CRTC1: variants seen among roughly 807,000 people sequenced by gnomAD.
CRTC1 encodes CREB regulated transcription coactivator 1, also known as CREB-regulated transcription coactivator 1.
In CRTC1, 18 loss-of-function variants were observed where a neutral mutation model predicts 66.1. The ratio of observed to expected loss-of-function variants is 0.27; its 90% CI spans 0.19 to 0.40. The LOEUF (loss-of-function observed/expected upper bound fraction) is 0.40. Ranked by LOEUF, CRTC1 falls within the 10% of genes least tolerant of loss-of-function variation. The pLI, the probability that CRTC1 is intolerant of heterozygous loss-of-function variation, is 1.00. For missense variants in CRTC1, 669 were observed against 887.9 expected, an observed-to-expected ratio of 0.75 and a Z score of 3.13; for synonymous variants, 416 against 398.8, an observed-to-expected ratio of 1.04 and a Z score of -0.51.
intron 1 of CRTC1, among the ~76,000 whole-genome samples, chr19:18,710,106 G>A (rs1308067950): frequency 6.6e-6 from 1 of 151,988 alleles, no homozygotes; most frequent in African/African-American, 2.4e-5. Flanking sequence ...TGCTCACGGG[G>A]CCTCCTGCCT....
At chr19:18,732,465 G>A (rs750674467) in intron 1 of CRTC1, among the ~76,000 whole-genome samples, 17 of 152,238 alleles carry the variant, frequency 1.1e-4, no homozygotes, top group South Asian at 8.3e-4. Context: ...CAGAAGGAAG[G>A]CATTCTGTCC....
chr19:18,717,315 C>G lies in CRTC1; in HGVS notation c.127-25595C>G, dbSNP rs1329037979. On this transcript the variant is annotated intron_variant, in intron 1 of 13. Coordinates refer to ENST00000321949, the MANE Select transcript of CRTC1 (RefSeq NM_015321.3). The stretch of plus-strand genomic sequence containing the variant: ...CCAGGGTCTTCAGGCTGTGTGGGAG[C>G]CAGGACTGGGTCTGTCTCCTTGTGG... Among the ~76,000 whole-genome samples the G allele has an allele frequency of 2.0e-5, 3 of 152,016 alleles. No individual in the cohort carries two copies. The East Asian group carries it at 5.8e-4, about 29-fold the overall frequency.
intron 10 of CRTC1, among the ~76,000 whole-genome samples, chr19:18,769,459 AC>A: frequency 1.3e-5 from 2 of 152,222 alleles, no homozygotes; most frequent in East Asian, 3.9e-4. Flanking sequence ...CTCCCACTTG[AC>A]CCCGACTGCC....
In CRTC1 at chr19:18,768,468, GCT is replaced by G; in HGVS notation, c.1012-13_1012-12del. 6.2e-7 allele frequency: 1 copy of G among 1,605,058 alleles called. No homozygotes were observed. Among genetic ancestry groups the G allele is most frequent in the South Asian group, 1.1e-5 (1 of 90,750 alleles). On this transcript the variant is annotated splice_polypyrimidine_tract_variant and intron_variant, in intron 9 of 13. Coordinates refer to ENST00000321949, the MANE Select transcript of CRTC1 (RefSeq NM_015321.3). This position sits in a 1 kb window ranked among gnomAD's most constrained non-coding sequence, Gnocchi z 5.6. ...ACAACCAGGGCCCGCCCTGCCTGACGCTCTCCTCTCCTGCAGGCTGTAGCCAT... is the reference window on the plus strand; with the variant it reads ...ACAACCAGGGCCCGCCCTGCCTGACGCTCCTCTCCTGCAGGCTGTAGCCAT...
Position 18,777,460 on chromosome 19 carries a change from C to G in CRTC1, c.*78C>G, listed in dbSNP as rs753466130. 9.2e-6 allele frequency: 12 copies of G among 1,298,416 alleles called. No individual in the cohort carries two copies. Among genetic ancestry groups the G allele is most frequent in the Non-Finnish European group, 1.3e-5 (12 of 909,018 alleles). The allele number at this position is 1,298,416 out of a possible 1,614,324, so 80.4% of individuals were successfully genotyped here. A position where few individuals can be genotyped will look rare whatever the true frequency, so the allele number is the denominator to read the frequency against. ...CCGGGGACGGCCGTGCTCCGTCCCT[C>G]GCCAACGGCCGAGCTTGTGATTCTG... On this transcript the variant is annotated 3_prime_UTR_variant, in exon 14 of 14. Coordinates refer to ENST00000321949, the MANE Select transcript of CRTC1 (RefSeq NM_015321.3). The surrounding 1 kb of genome is among the most constrained non-coding windows in gnomAD (Gnocchi z 5.5).
intron 1 of CRTC1, among the ~76,000 whole-genome samples, chr19:18,707,179 T>C (rs1250692644): frequency 6.6e-6 from 1 of 152,212 alleles, no homozygotes; most frequent in East Asian, 1.9e-4. Context: ...TATATATAGT[T>C]TTAGCTTTTA....
chr19:18,683,903 G>C, intron 1 of CRTC1, 75 bp downstream of exon 1: 1 of 166,086 alleles, frequency 6.0e-6, no homozygotes, highest in Non-Finnish European at 1.2e-5. Flanking sequence ...CGCGTGCACG[G>C]GGCGGGGTGG....
At chr19:18,710,017 G>GC (rs1332884442) in intron 1 of CRTC1, among the ~76,000 whole-genome samples, 11 of 140,754 alleles carry the variant, frequency 7.8e-5, no homozygotes, top group East Asian at 2.1e-4. Context: ...CCCAGCACCC[G>GC]CCCCCCCACA....
At chr19:18,698,455 CAG>C (rs1436988858) in intron 1 of CRTC1, among the ~76,000 whole-genome samples, 2 of 150,748 alleles carry the variant, frequency 1.3e-5, no homozygotes, top group African/African-American at 4.9e-5. Context: ...AGCAGGTGCA[CAG>C]TGTGTACTCA....
chr19:18,686,020 C>T (rs997187157), intron 1 of CRTC1, among the ~76,000 whole-genome samples: 1 of 152,144 alleles, frequency 6.6e-6, no homozygotes, highest in African/African-American at 2.4e-5. Context: ...AGTTGTGCAA[C>T]CACCCCTATT....
chr19:18,691,353 G>GA (rs1568476649), intron 1 of CRTC1, among the ~76,000 whole-genome samples: 1 of 151,198 alleles, frequency 6.6e-6, no homozygotes. Flanking sequence ...TCATCTCTAC[G>GA]AAAAAAAATT....
At chr19:18,700,349 C>T (rs1227862411) in intron 1 of CRTC1, among the ~76,000 whole-genome samples, 1 of 152,124 alleles carries the variant, frequency 6.6e-6, no homozygotes, top group African/African-American at 2.4e-5. Flanking sequence ...CCACATACCC[C>T]ACTCTGGTAT....
chr19:18,726,302 C>T (rs1336046131), intron 1 of CRTC1, among the ~76,000 whole-genome samples: 3 of 152,222 alleles, frequency 2.0e-5, no homozygotes, highest in South Asian at 2.1e-4. Flanking sequence ...GTGCCGGCCT[C>T]GCTTCACCCC....
intron 6 of CRTC1, among the ~76,000 whole-genome samples, chr19:18,758,090 C>T (rs899385456): frequency 6.6e-6 from 1 of 151,272 alleles, no homozygotes; most frequent in Non-Finnish European, 1.5e-5. Context: ...AGGCCAGGCA[C>T]CGTGGCTCAT....
intron 1 of CRTC1, among the ~76,000 whole-genome samples, chr19:18,730,645 C>T (rs760261966): frequency 1.2e-4 from 18 of 152,248 alleles, no homozygotes; most frequent in Admixed American, 5.2e-4. Flanking sequence ...CCCTGCAGTT[C>T]CTGCTGCCCG....
intron 13 of CRTC1, among the ~76,000 whole-genome samples, chr19:18,776,265 T>C (rs894173277): frequency 6.6e-6 from 1 of 152,184 alleles, no homozygotes; most frequent in African/African-American, 2.4e-5. Context: ...TGATGCACCG[T>C]GACAACCACG....
intron 8 of CRTC1, among the ~76,000 whole-genome samples, chr19:18,764,929 C>CA (rs533364314): frequency 2.5e-3 from 379 of 151,722 alleles, no homozygotes; most frequent in Middle Eastern, 0.014. Context: ...CATTTTCAGC[C>CA]AAAAAAAACC....
At chr19:18,742,599 C>T (rs1233607314) in intron 1 of CRTC1, among the ~76,000 whole-genome samples, 1 of 152,256 alleles carries the variant, frequency 6.6e-6, no homozygotes, top group African/African-American at 2.4e-5. Flanking sequence ...CCCGCCAGTG[C>T]CTCTCTTGCC....
intron 1 of CRTC1, among the ~76,000 whole-genome samples, chr19:18,696,501 A>G (rs559304365): frequency 6.6e-6 from 1 of 152,266 alleles, no homozygotes; most frequent in South Asian, 2.1e-4. Context: ...GCCTGCCCCC[A>G]TGGCACAGAT....
Sources: gnomAD v4.1 joint callset for allele counts (sites outside exome capture counted in the v4.1 genomes callset) on GRCh38, gnomAD v4.1.1 for gene constraint, Gnocchi (gnomAD v3.1) non-coding constraint, MANE v1.5 for transcripts, NCBI Gene and HGNC (gene_info 2026-07-23, HGNC 2026-07-21) for gene names.